GEN1: variants seen among roughly 807,000 people sequenced by gnomAD.
GEN1 encodes the protein GEN1 structure-specific endonuclease.
GEN1 carries 64 observed loss-of-function variants against 67.6 expected under a neutral mutation model. That is an observed-to-expected ratio of 0.95 (90% CI 0.77 to 1.17). The LOEUF is 1.17. GEN1 is among the 50% of genes most tolerant of loss of function. The pLI, the probability that GEN1 is intolerant of heterozygous loss-of-function variation, is 0.00. For synonymous variants in GEN1, 371 were observed against 359.4 expected, an observed-to-expected ratio of 1.03 and a Z score of -0.37; for missense variants, 1,058 against 1,048.3, an observed-to-expected ratio of 1.01 and a Z score of -0.13.
chr2:17,779,173 T>G (rs924386126), intron 12 of GEN1, among the ~76,000 whole-genome samples: 1 of 152,194 alleles, frequency 6.6e-6, no homozygotes, highest in African/African-American at 2.4e-5. Context: ...TCCACCCACT[T>G]CGGCCTCCCA....
chr2:17,781,831 T>G lies in GEN1; in HGVS notation c.2619T>G (p.Ser873Arg), dbSNP rs57936182. The G allele has an allele frequency of 5.3e-3, 8,566 of 1,612,318 alleles. 83 individuals carry two copies. The highest frequency in any genetic ancestry group is 0.039 in the East Asian group (1,764 of 44,842). ...GCTGTTTCCCAGATTCAACAAAAAG[T>G]TCTCTGAGTTCTCTACAATGTCATA... is the stretch of plus-strand genomic sequence containing the variant. ...EESCFPDSTK[S>R]SLSSLQCHKK... Residue 873 changes from serine to arginine, a missense_variant, in exon 14 of 14, where the codon AGT becomes AGG. Transcript: ENST00000381254.
chr2:17,773,365 C>A, intron 10 of GEN1, 66 bp downstream of exon 10: 3 of 973,614 alleles, frequency 3.1e-6, no homozygotes, highest in Non-Finnish European at 3.1e-6. Flanking sequence ...AACAGATATT[C>A]ACTCTGATTG....
intron 6 of GEN1, 67 bp from the exon 7 acceptor site, chr2:17,771,126 ATAT>A (rs2125142573): frequency 1.1e-6 from 1 of 877,286 alleles, no homozygotes; most frequent in African/African-American, 1.6e-5. Flanking sequence ...GATCAGCCTG[ATAT>A]TTGAGAACAT....
Position 17,761,005 on chromosome 2 carries a change from C to T in GEN1, c.162-391C>T, listed in dbSNP as rs144483902. On this transcript the variant is annotated intron_variant, in intron 2 of 13. Transcript: ENST00000381254. ...TAGCACTTTGCGAGGCTGAGATGGG[C>T]GGATTATTTGAGCTCAGGAGTTCAA... is the stretch of plus-strand genomic sequence containing the variant. Among the ~76,000 whole-genome samples the T allele has an allele frequency of 2.5e-3, 383 of 150,954 alleles. 4 individuals are homozygous for T. The highest frequency in any genetic ancestry group is 8.9e-3 in the African/African-American group (366 of 41,092).
At chr2:17,778,186 A>ACACACACATATATGTGTGTATATATG in intron 12 of GEN1, 123 bp downstream of exon 12, 2 of 359,406 alleles carry the variant, frequency 5.6e-6, no homozygotes, top group East Asian at 1.1e-4. Context: ...ATATATATAT[A>ACACACACATATATGTGTGTATATATG]TACACACACA....
chr2:17,772,682 A>G lies in GEN1; in HGVS notation c.851A>G (p.Asp284Gly), dbSNP rs1228335967. ...ERNGCRLCKS[D>G]KYCEPHDYEY... ...AATGGATGCAGATTATGTAAAAGTG[A>G]TAAATATTGTGAGCCACATGACTAT... is the stretch of plus-strand genomic sequence containing the variant. The change falls in exon 8 of 14, where the codon GAT (aspartate) becomes GGT (glycine). Residue 284 changes from aspartate to glycine, a missense_variant. Physicochemically the swap from Asp to Gly is moderately conservative, Grantham distance 94. Coordinates refer to ENST00000381254, the MANE Select transcript of GEN1 (RefSeq NM_001130009.3). 3 of 1,612,342 alleles carry G rather than the reference A, an allele frequency of 1.9e-6. No individual in the cohort carries two copies. Among genetic ancestry groups the G allele is most frequent in the African/African-American group, 1.3e-5 (1 of 74,850 alleles).
chr2:17,769,516 A>T (rs573825433), intron 6 of GEN1, among the ~76,000 whole-genome samples: 1 of 152,210 alleles, frequency 6.6e-6, no homozygotes, highest in Non-Finnish European at 1.5e-5. Context: ...GATAAACATG[A>T]CATTAAAATA....
Position 17,771,236 on chromosome 2 carries a change from C to T in GEN1, c.751C>T (p.Gln251Ter). ...WNETSCNSSP[Q>*]LLVTKKLAHC... The stretch of plus-strand genomic sequence containing the variant: ...TGAAACATCTTGTAACTCTAGTCCA[C>T]AACTGCTAGTCACTAAAAAACTGGC... The change falls in exon 7 of 14, where the codon CAA (glutamine) becomes TAA (stop). Residue 251 changes from glutamine to a stop codon, truncating the protein, a stop_gained. Transcript: ENST00000381254. LOFTEE classifies it high-confidence loss of function. The T allele has an allele frequency of 6.2e-7, 1 of 1,611,982 alleles. No individual in the cohort carries two copies. The highest frequency in any genetic ancestry group is 8.5e-7 in the Non-Finnish European group (1 of 1,178,384).
At position 17,760,995 on chromosome 2, in the gene GEN1, C is replaced by T. The variant is rs182876866; in HGVS notation, c.162-401C>T. ...CTTGTATTCCTAGCACTTTGCGAGG[C>T]TGAGATGGGCGGATTATTTGAGCTC... is the stretch of plus-strand genomic sequence containing the variant. On this transcript the variant is annotated intron_variant, in intron 2 of 13. Coordinates refer to ENST00000381254, the MANE Select transcript of GEN1 (RefSeq NM_001130009.3). Among the ~76,000 whole-genome samples, 356 of 151,088 alleles carry T rather than the reference C, an allele frequency of 2.4e-3. 2 individuals are homozygous for T. Among genetic ancestry groups the T allele is most frequent in the Non-Finnish European group, 2.5e-3 (173 of 67,902 alleles).
upstream of GEN1, chr2:17,753,570 G>C (rs1174993143): frequency 6.6e-6 from 1 of 152,338 alleles, no homozygotes; most frequent in Non-Finnish European, 1.5e-5. Flanking sequence ...AGGGGGCAGC[G>C]GGCGGAGGAT....
Position 17,781,513 on chromosome 2 carries a change from T to A in GEN1, c.2301T>A (p.Asn767Lys), listed in dbSNP as rs1672835009. The change falls in exon 14 of 14, where the codon AAT becomes AAA. Residue 767 changes from asparagine to lysine, a missense_variant. Transcript: ENST00000381254. ...GTAACACAGTGGTAAAGACCTGCAA[T>A]GTTAGACCACCAAATACTGCTTTAG... ...SVSNTVVKTC[N>K]VRPPNTALDH... The A allele has an allele frequency of 6.2e-7, 1 of 1,613,584 alleles. No individual in the cohort carries two copies. The highest frequency in any genetic ancestry group is 1.3e-5 in the African/African-American group (1 of 74,926).
intron 1 of GEN1, among the ~76,000 whole-genome samples, chr2:17,756,359 A>G (rs769631941): frequency 9.2e-5 from 14 of 152,212 alleles, no homozygotes; most frequent in Non-Finnish European, 1.9e-4. Context: ...GATTCATGTA[A>G]GTAGACTTGT....
At chr2:17,762,086 T>C (rs1671706989) in intron 3 of GEN1, among the ~76,000 whole-genome samples, 1 of 151,762 alleles carries the variant, frequency 6.6e-6, no homozygotes, top group Non-Finnish European at 1.5e-5. Flanking sequence ...ATATTATTTA[T>C]ATGTTACTTT....
Position 17,787,940 on chromosome 2 carries a change from A to C in GEN1, c.*6001A>C, listed in dbSNP as rs528417462. 6.6e-6 allele frequency: 1 copy of C among 152,388 alleles called. No individual in the cohort carries two copies. Among genetic ancestry groups the C allele is most frequent in the South Asian group, 2.1e-4 (1 of 4,820 alleles). 9.4% of individuals were successfully genotyped at this position (152,388 alleles called of 1,614,324 possible). On this transcript the variant is annotated 3_prime_UTR_variant, in exon 14 of 14. Coordinates refer to ENST00000381254, the MANE Select transcript of GEN1 (RefSeq NM_001130009.3). ...ACTCCATCTAAACAAAAGAAAAAAG[A>C]AAGTGTTCAGTGAATGGGTGCTGAT...
intron 10 of GEN1, 41 bp from the exon 11 acceptor site, chr2:17,774,230 A>C: frequency 8.2e-7 from 1 of 1,224,464 alleles, no homozygotes. Flanking sequence ...TTTGTCTCCA[A>C]GAGATAACAA....
At chr2:17,758,753 C>A (rs1671538070) in intron 1 of GEN1, among the ~76,000 whole-genome samples, 1 of 151,938 alleles carries the variant, frequency 6.6e-6, no homozygotes, top group Non-Finnish European at 1.5e-5. Context: ...CTTTGGGAGG[C>A]TGAGGCAGGC....
rs1673131600 is a variant in GEN1 at position 17,788,729 on chromosome 2, C to G, written c.*6790C>G. 6.6e-6 allele frequency: 1 copy of G among 152,186 alleles called. No homozygotes were observed. Among genetic ancestry groups the G allele is most frequent in the Non-Finnish European group, 1.5e-5 (1 of 68,028 alleles). 9.4% of individuals were successfully genotyped at this position (152,186 alleles called of 1,614,324 possible). A position where few individuals can be genotyped will look rare whatever the true frequency, so the allele number is the denominator to read the frequency against. On this transcript the variant is annotated 3_prime_UTR_variant, in exon 14 of 14. Transcript: ENST00000381254. The stretch of plus-strand genomic sequence containing the variant: ...ATCTTCATCTACCACCCAACTGATA[C>G]CTGCCTTTCTGTGAGTGAAATCAGA...
intron 1 of GEN1, 57 bp from the exon 2 acceptor site, chr2:17,759,872 C>T: frequency 1.4e-6 from 2 of 1,429,440 alleles, no homozygotes; most frequent in Non-Finnish European, 2.0e-6. Flanking sequence ...GTTTGAATTC[C>T]TGTTATGAGC....
At chr2:17,755,373 T>G (rs1428172608) in intron 1 of GEN1, 1 of 152,226 alleles carries the variant, frequency 6.6e-6, no homozygotes, top group African/African-American at 2.4e-5. Flanking sequence ...ACTAAGGTCT[T>G]TAAATGCAGG....
Sources: gnomAD v4.1 joint callset for allele counts (sites outside exome capture counted in the v4.1 genomes callset) on GRCh38, gnomAD v4.1.1 for gene constraint, MANE v1.5 for transcripts, NCBI Gene and HGNC (gene_info 2026-07-23, HGNC 2026-07-21) for gene names.